Variants in PRDM16 observed in about 807,000 individuals in gnomAD.
PRDM16 encodes the protein histone-lysine N-methyltransferase PRDM16.
A neutral mutation model predicts 110.6 loss-of-function variants in PRDM16; 23 were observed. The ratio of observed to expected loss-of-function variants is 0.21; its 90% confidence interval spans 0.15 to 0.29. The LOEUF is 0.29. Among genes scored for constraint, PRDM16 ranks in the 10% least tolerant of loss-of-function variants. PRDM16 has a pLI of 1.00. For synonymous variants in PRDM16, 799 were observed against 781.8 expected (o/e 1.02, Z -0.37); for missense variants, 1,615 against 1,794.3 (o/e 0.90, Z 1.81).
intron 3 of PRDM16, among the ~76,000 whole-genome samples, chr1:3,277,826 C>T (rs1640626066): frequency 6.6e-6 from 1 of 152,212 alleles, no homozygotes; most frequent in Non-Finnish European, 1.5e-5. Context: ...AGCATATGCA[C>T]ATGCACACAC....
intron 3 of PRDM16, among the ~76,000 whole-genome samples, chr1:3,258,487 T>C (rs1050382868): frequency 2.6e-5 from 4 of 152,240 alleles, no homozygotes; most frequent in African/African-American, 7.2e-5. Context: ...CAGGGCTGCA[T>C]TGGGAAACTG....
At chr1:3,174,756 C>T (rs1398705524) in intron 1 of PRDM16, among the ~76,000 whole-genome samples, 1 of 152,086 alleles carries the variant, frequency 6.6e-6, no homozygotes, top group Non-Finnish European at 1.5e-5. Context: ...GGTCAGGGCT[C>T]CGTCTTCCCA....
At chr1:3,346,793 C>T (rs1274918839) in intron 3 of PRDM16, among the ~76,000 whole-genome samples, 3 of 152,166 alleles carry the variant, frequency 2.0e-5, no homozygotes, top group Non-Finnish European at 2.9e-5. Context: ...GCTCCTCTCA[C>T]GTTCGCCCGC....
intron 1 of PRDM16, among the ~76,000 whole-genome samples, chr1:3,077,908 A>T (rs1641935506): frequency 6.6e-6 from 1 of 152,208 alleles, no homozygotes; most frequent in Admixed American, 6.5e-5. Flanking sequence ...GAAATAAAAC[A>T]TGAAATGATT....
intron 1 of PRDM16, among the ~76,000 whole-genome samples, chr1:3,125,471 C>A (rs1019065779): frequency 6.6e-6 from 1 of 152,252 alleles, no homozygotes; most frequent in Non-Finnish European, 1.5e-5. Flanking sequence ...CCCCACTCAG[C>A]GGCTGCTGGG....
intron 8 of PRDM16, among the ~76,000 whole-genome samples, chr1:3,407,264 C>T (rs1643578020): frequency 6.6e-6 from 1 of 152,244 alleles, no homozygotes. Flanking sequence ...CTCCCAAGCC[C>T]CAGCGTCCAG....
intron 3 of PRDM16, among the ~76,000 whole-genome samples, chr1:3,343,113 C>T (rs2483287): frequency 0.33 from 49,773 of 150,794 alleles, 8,503 homozygotes; most frequent in South Asian, 0.47. Flanking sequence ...TTTCCACCAG[C>T]GGCAATGTGT....
intron 3 of PRDM16, among the ~76,000 whole-genome samples, chr1:3,345,575 A>G (rs1330884536): frequency 6.6e-6 from 1 of 152,242 alleles, no homozygotes; most frequent in East Asian, 1.9e-4. Flanking sequence ...GCCAGTAGGA[A>G]TGGGACTTGG....
chr1:3,351,252 G>A (rs947127954), intron 3 of PRDM16, among the ~76,000 whole-genome samples: 7 of 152,204 alleles, frequency 4.6e-5, no homozygotes, highest in South Asian at 2.1e-4. Context: ...TGTCCCTCCC[G>A]GTCCCTCCAG....
intron 4 of PRDM16, among the ~76,000 whole-genome samples, chr1:3,387,979 C>T (rs567969351): frequency 5.9e-5 from 9 of 152,296 alleles, no homozygotes; most frequent in Admixed American, 3.3e-4. Context: ...CGCACGGCCT[C>T]GGCAGAAAGC....
chr1:3,365,144 T>C (rs925417403), intron 3 of PRDM16, among the ~76,000 whole-genome samples: 5 of 152,086 alleles, frequency 3.3e-5, no homozygotes, highest in African/African-American at 1.2e-4. Context: ...TTCAGGAAAG[T>C]GGGAGTCGGG....
rs76056665 is a variant in PRDM16, at chr1:3,358,913, C to T, written c.439-26239C>T. On this transcript the variant is annotated intron_variant, in intron 3 of 16. Coordinates refer to ENST00000270722, the MANE Select transcript of PRDM16 (RefSeq NM_022114.4). The surrounding 1 kb of genome is among the most constrained non-coding windows in gnomAD (Gnocchi z 4.0). The stretch of plus-strand genomic sequence containing the variant: ...GAGGTGGGGAAGCCGTGAAGATGTT[C>T]TCCATGGCCGGCTCCCATGAGGAAT... 6.6e-3 allele frequency among the ~76,000 whole-genome samples: 1,011 copies of T among 152,324 alleles called. 17 individuals are homozygous for T. Among genetic ancestry groups the T allele is most frequent in the South Asian group, 0.061 (293 of 4,830 alleles).
chr1:3,096,500 TG>T (rs1481664310), intron 1 of PRDM16, among the ~76,000 whole-genome samples: 2 of 152,156 alleles, frequency 1.3e-5, no homozygotes, highest in African/African-American at 2.4e-5. Flanking sequence ...ATCCACACCT[TG>T]TGGCTGATGC....
chr1:3,336,343 CAT>C (rs201744188), intron 3 of PRDM16, among the ~76,000 whole-genome samples: 2,911 of 142,322 alleles, frequency 0.02, 97 homozygotes, highest in African/African-American at 0.067. Flanking sequence ...TGTACATGCA[CAT>C]GTGTGTGTGC....
At chr1:3,140,102 C>T (rs1409919610) in intron 1 of PRDM16, among the ~76,000 whole-genome samples, 5 of 152,256 alleles carry the variant, frequency 3.3e-5, no homozygotes, top group African/African-American at 4.8e-5. Context: ...GTTAGAAAAG[C>T]GGCTTTGGGA....
At chr1:3,091,543 TCTC>T (rs1220088030) in intron 1 of PRDM16, among the ~76,000 whole-genome samples, 1 of 152,190 alleles carries the variant, frequency 6.6e-6, no homozygotes, top group African/African-American at 2.4e-5. Context: ...GTGCCACACT[TCTC>T]CGTGCACCCC....
At chr1:3,145,958 A>G (rs1247173173) in intron 1 of PRDM16, among the ~76,000 whole-genome samples, 1 of 152,116 alleles carries the variant, frequency 6.6e-6, no homozygotes, top group Non-Finnish European at 1.5e-5. Context: ...AGAAATTCGC[A>G]AGGTGTGAGC....
rs546733658 is a variant in PRDM16 at position 3,361,935 on chromosome 1, G to A, written c.439-23217G>A. ...AGGGCAGGTGGTGAGAAGTGACCGC[G>A]GCCCAGGAGGGCAGGTGGTGAGAAG... is the stretch of plus-strand genomic sequence containing the variant. On this transcript the variant is annotated intron_variant, in intron 3 of 16. Transcript: ENST00000270722. Among the ~76,000 whole-genome samples the A allele has an allele frequency of 2.2e-3, 334 of 150,778 alleles. 2 individuals carry two copies. The highest frequency in any genetic ancestry group is 7.8e-3 in the African/African-American group (318 of 40,648).
chr1:3,225,523 A>C (rs941319289), intron 2 of PRDM16, among the ~76,000 whole-genome samples: 2 of 140,552 alleles, frequency 1.4e-5, no homozygotes, highest in African/African-American at 5.5e-5. Context: ...GATGATGTGC[A>C]GCTTGCCTGT....
Sources: allele counts gnomAD v4.1 joint callset (sites outside exome capture counted in the v4.1 genomes callset), GRCh38; gene constraint gnomAD v4.1.1; non-coding constraint Gnocchi (gnomAD v3.1); transcripts MANE v1.5; gene names NCBI Gene and HGNC (gene_info 2026-07-23, HGNC 2026-07-21).